Variants in SLC30A7 observed in about 807,000 individuals in gnomAD.
SLC30A7 encodes solute carrier family 30 member 7, also known as zinc transporter 7.
In SLC30A7, 35 loss-of-function variants were observed where a neutral mutation model predicts 46.0. The observed-to-expected ratio is 0.76, with a 90% CI of 0.58 to 1.01. SLC30A7 has a LOEUF of 1.01. Ranked by LOEUF, SLC30A7 falls within the 50% of genes least tolerant of loss-of-function variation. SLC30A7 has a pLI of 0.00. For synonymous variants in SLC30A7, 147 were observed against 157.8 expected (o/e 0.93, Z 0.51); for missense variants, 464 against 451.1 (o/e 1.03, Z -0.26).
intron 8 of SLC30A7, among the ~76,000 whole-genome samples, chr1:100,957,885 A>G (rs1378624147): frequency 2.0e-5 from 3 of 152,126 alleles, no homozygotes; most frequent in Non-Finnish European, 4.4e-5. Context: ...ATGAGGATGG[A>G]GAGAGTAAAG....
chr1:100,904,596 TA>T (rs1230633825), intron 2 of SLC30A7, among the ~76,000 whole-genome samples: 2 of 152,010 alleles, frequency 1.3e-5, no homozygotes, highest in Non-Finnish European at 2.9e-5. Context: ...ACATTATGAG[TA>T]AAAAACAGTA....
the SLC30A7 span, chr1:100,990,745 C>T: frequency 2.0e-6 from 2 of 982,756 alleles, no homozygotes; most frequent in Non-Finnish European, 3.0e-6. Flanking sequence ...TATCTTAAAT[C>T]TCTTTTGCCA....
chr1:100,923,660 T>C (rs1002822048), intron 8 of SLC30A7, among the ~76,000 whole-genome samples: 1 of 152,238 alleles, frequency 6.6e-6, no homozygotes, highest in East Asian at 1.9e-4. Flanking sequence ...GTACCTATAG[T>C]TGCAGCTACT....
chr1:100,992,479 A>G, the SLC30A7 span, among the ~76,000 whole-genome samples: 1 of 152,178 alleles, frequency 6.6e-6, no homozygotes, highest in African/African-American at 2.4e-5. Flanking sequence ...CTTGAAGCCT[A>G]TGGGATTTAA....
chr1:100,918,680 A>G (rs1051016357), intron 7 of SLC30A7, among the ~76,000 whole-genome samples: 4 of 152,230 alleles, frequency 2.6e-5, no homozygotes, highest in South Asian at 2.1e-4. Flanking sequence ...GAACACTTGC[A>G]TTAGCCTACA....
chr1:100,931,515 C>T (rs1195241988), intron 8 of SLC30A7, among the ~76,000 whole-genome samples: 1 of 151,994 alleles, frequency 6.6e-6, no homozygotes, highest in Non-Finnish European at 1.5e-5. Context: ...ATTTTATTTT[C>T]CATGCTCTTA....
intron 4 of SLC30A7, among the ~76,000 whole-genome samples, 185 bp from the exon 5 acceptor site, chr1:100,911,927 G>A (rs1247523174): frequency 6.6e-6 from 1 of 152,174 alleles, no homozygotes; most frequent in Non-Finnish European, 1.5e-5. Flanking sequence ...TTTTAAAATA[G>A]TAATTGTTAC....
chr1:100,985,310 G>C (rs1657203826), downstream of SLC30A7, among the ~76,000 whole-genome samples: 1 of 152,154 alleles, frequency 6.6e-6, no homozygotes, highest in African/African-American at 2.4e-5. Context: ...TGTACACCTA[G>C]AGTCAAGAAG....
At position 100,914,832 on chromosome 1, in the gene SLC30A7, T is replaced by C. The variant is rs1264069328; in HGVS notation, c.655+1026T>C. On this transcript the variant is annotated intron_variant, in intron 6 of 10. Coordinates refer to ENST00000357650, the MANE Select transcript of SLC30A7 (RefSeq NM_133496.5). Reference sequence around the variant, plus strand: ...TTTTTCAGTCTTTGAAATTTTTCCATGAGGCAAGAAAATAGCTTGAACCCA... The same window carrying C: ...TTTTTCAGTCTTTGAAATTTTTCCACGAGGCAAGAAAATAGCTTGAACCCA... Among the ~76,000 whole-genome samples the C allele has an allele frequency of 1.2e-4, 18 of 152,014 alleles. 1 individual carries two copies. The highest frequency in any genetic ancestry group is 1.1e-3 in the Admixed American group (17 of 15,262).
chr1:100,909,244 T>C (rs1241567375), intron 3 of SLC30A7, among the ~76,000 whole-genome samples: 1 of 152,114 alleles, frequency 6.6e-6, no homozygotes, highest in Non-Finnish European at 1.5e-5. Context: ...CCCACCCCAA[T>C]TCAGGATGAC....
intron 10 of SLC30A7, among the ~76,000 whole-genome samples, chr1:100,970,018 A>G (rs1656072579): frequency 6.6e-6 from 1 of 152,142 alleles, no homozygotes; most frequent in Non-Finnish European, 1.5e-5. Context: ...AAAAATTTTG[A>G]TCTTAAATTA....
intron 10 of SLC30A7, among the ~76,000 whole-genome samples, chr1:100,969,103 A>G (rs1426656155): frequency 1.3e-5 from 2 of 152,226 alleles, no homozygotes; most frequent in African/African-American, 4.8e-5. Flanking sequence ...CAAGACATAC[A>G]CTACTACAAA....
At chr1:100,992,536 C>T in the SLC30A7 span, 1 of 753,086 alleles carries the variant, frequency 1.3e-6, no homozygotes, top group South Asian at 2.7e-5. Context: ...TACAAAAATA[C>T]TGACTCTTGC....
chr1:100,922,098 C>T (rs992264266), intron 8 of SLC30A7, among the ~76,000 whole-genome samples: 2 of 151,734 alleles, frequency 1.3e-5, no homozygotes, highest in Non-Finnish European at 2.9e-5. Context: ...GGATTACAGA[C>T]AACTGCAACC....
At chr1:100,990,081 A>G in the SLC30A7 span, 1 of 305,924 alleles carries the variant, frequency 3.3e-6, no homozygotes, top group South Asian at 4.0e-5. Flanking sequence ...AAAGAGGTTT[A>G]ATTTTCGACT....
chr1:100,936,432 A>G (rs1414250291), intron 8 of SLC30A7, among the ~76,000 whole-genome samples: 1 of 152,146 alleles, frequency 6.6e-6, no homozygotes, highest in Non-Finnish European at 1.5e-5. Flanking sequence ...TGTACTCTTA[A>G]TTTGAAGACT....
chr1:100,903,086 C>T (rs1187615327), intron 2 of SLC30A7, among the ~76,000 whole-genome samples: 2 of 151,890 alleles, frequency 1.3e-5, no homozygotes, highest in African/African-American at 4.8e-5. Context: ...GAAATAAAAA[C>T]ATTTAGAAAC....
At chr1:100,983,170 C>G (rs1178985644), downstream of SLC30A7, among the ~76,000 whole-genome samples, 1 of 152,006 alleles carries the variant, frequency 6.6e-6, no homozygotes, top group Non-Finnish European at 1.5e-5. Context: ...CTCCTTAAAT[C>G]AAACCCTTGA....
intron 2 of SLC30A7, among the ~76,000 whole-genome samples, chr1:100,897,034 A>T (rs1651016288): frequency 6.6e-6 from 1 of 150,656 alleles, no homozygotes; most frequent in South Asian, 2.1e-4. Flanking sequence ...CTCGGGGGGG[A>T]GTGGCATTTG....
Sources: gnomAD v4.1 joint callset for allele counts (sites outside exome capture counted in the v4.1 genomes callset) on GRCh38, gnomAD v4.1.1 for gene constraint, MANE v1.5 for transcripts, NCBI Gene and HGNC (gene_info 2026-07-23, HGNC 2026-07-21) for gene names.